Variants in NGEF observed in about 807,000 individuals in gnomAD.
NGEF encodes the protein ephexin-1.
NGEF carries 31 observed loss-of-function variants against 80.9 expected under a neutral mutation model. The ratio of observed to expected loss-of-function variants is 0.38; its 90% CI spans 0.29 to 0.52. The LOEUF is 0.52. Ranked by LOEUF, NGEF falls within the 20% of genes least tolerant of loss-of-function variation. The pLI is 0.84. For synonymous variants in NGEF, 371 were observed against 370.2 expected (o/e 1.00, Z -0.03); for missense variants, 709 against 926.2 (o/e 0.77, Z 3.04).
At chr2:232,929,310 C>T (rs893859325) in intron 3 of NGEF, among the ~76,000 whole-genome samples, 4 of 152,192 alleles carry the variant, frequency 2.6e-5, no homozygotes, top group Non-Finnish European at 4.4e-5. Flanking sequence ...TTTAATGGAT[C>T]CTTAACCAGT....
chr2:232,880,091 G>T (rs1358688178), intron 14 of NGEF, among the ~76,000 whole-genome samples: 3 of 152,196 alleles, frequency 2.0e-5, no homozygotes, highest in Non-Finnish European at 2.9e-5. Flanking sequence ...GGGGCTGGTG[G>T]GGGTGGCAGC....
intron 3 of NGEF, among the ~76,000 whole-genome samples, chr2:232,955,247 C>T (rs1243311404): frequency 6.6e-6 from 1 of 152,198 alleles, no homozygotes; most frequent in African/African-American, 2.4e-5. Context: ...AGCTGCCGAC[C>T]TGACATCCCA....
At chr2:232,950,073 A>T (rs747394908) in intron 3 of NGEF, among the ~76,000 whole-genome samples, 4 of 152,214 alleles carry the variant, frequency 2.6e-5, no homozygotes, top group Non-Finnish European at 1.5e-5. Context: ...CGGCCTCCCA[A>T]AGTGCTGGGA....
At chr2:233,001,090 T>A (rs1204504968) in intron 1 of NGEF, among the ~76,000 whole-genome samples, 1 of 152,064 alleles carries the variant, frequency 6.6e-6, no homozygotes, top group Non-Finnish European at 1.5e-5. Context: ...CTTCCCCCCA[T>A]CCCACTGGCC....
chr2:232,882,388 G>T, intron 12 of NGEF, 123 bp from the exon 13 acceptor site: 1 of 874,210 alleles, frequency 1.1e-6, no homozygotes, highest in African/African-American at 1.6e-5. Flanking sequence ...CACCGCTCAA[G>T]CCCACCCCAG....
chr2:232,893,088 G>A, intron 6 of NGEF, 38 bp from the exon 7 acceptor site: 2 of 1,591,122 alleles, frequency 1.3e-6, no homozygotes, highest in Non-Finnish European at 1.7e-6. Flanking sequence ...GGGTGCCCGG[G>A]GGGTAGGGTG....
chr2:232,965,682 C>T (rs143051173), intron 3 of NGEF, among the ~76,000 whole-genome samples: 35 of 152,250 alleles, frequency 2.3e-4, no homozygotes, highest in African/African-American at 7.9e-4. Flanking sequence ...GACAGCTCAT[C>T]GGAGGCTTTT....
Position 232,920,050 on chromosome 2 carries a change from C to T in NGEF, c.828+234G>A, listed in dbSNP as rs116647744. Among the ~76,000 whole-genome samples the T allele has an allele frequency of 2.3e-3, 356 of 152,346 alleles. 1 individual carries two copies. The highest frequency in any genetic ancestry group is 2.8e-3 in the Non-Finnish European group (193 of 68,036). The stretch of plus-strand genomic sequence containing the variant: ...GCGATCCTACTATCTCATCAGACAG[C>T]AATGCTTCAGACGCTCAATGTTGGG... On this transcript the variant is annotated intron_variant, in intron 5 of 14. Transcript: ENST00000264051.
At chr2:232,905,245 G>A (rs1037159689) in intron 5 of NGEF, among the ~76,000 whole-genome samples, 3 of 152,222 alleles carry the variant, frequency 2.0e-5, no homozygotes, top group East Asian at 1.9e-4. Flanking sequence ...GCGATTGCAG[G>A]CGCGCGCCGC....
At chr2:232,909,431 T>C (rs1273620237) in intron 5 of NGEF, among the ~76,000 whole-genome samples, 1 of 49,864 alleles carries the variant, frequency 2.0e-5, no homozygotes, top group African/African-American at 7.8e-5. Flanking sequence ...TTATGTTTTA[T>C]GTAATTTTTT....
intron 1 of NGEF, among the ~76,000 whole-genome samples, chr2:233,011,301 G>A (rs900750123): frequency 1.3e-5 from 2 of 152,126 alleles, no homozygotes; most frequent in Admixed American, 1.3e-4. Flanking sequence ...GTGCTGGGGG[G>A]TGACTTCAGA....
intron 5 of NGEF, among the ~76,000 whole-genome samples, chr2:232,905,253 C>T (rs1255505340): frequency 2.0e-5 from 3 of 152,224 alleles, no homozygotes; most frequent in Non-Finnish European, 2.9e-5. Context: ...AGGCGCGCGC[C>T]GCCACGCCTG....
At chr2:232,911,825 T>A (rs147655039) in intron 5 of NGEF, among the ~76,000 whole-genome samples, 1 of 152,352 alleles carries the variant, frequency 6.6e-6, no homozygotes, top group Non-Finnish European at 1.5e-5. Context: ...TATAGTGATA[T>A]GACTGATATT....
At chr2:232,990,331 A>C (rs1694625687) in intron 1 of NGEF, among the ~76,000 whole-genome samples, 1 of 152,164 alleles carries the variant, frequency 6.6e-6, no homozygotes, top group Admixed American at 6.5e-5. Flanking sequence ...AAATACAAAC[A>C]ACCTATATAA....
chr2:232,960,588 T>C (rs1431745892), intron 3 of NGEF, among the ~76,000 whole-genome samples: 2 of 152,126 alleles, frequency 1.3e-5, no homozygotes, highest in Non-Finnish European at 2.9e-5. Flanking sequence ...CCAAACTGTA[T>C]TGAGTCTAGG....
intron 7 of NGEF, among the ~76,000 whole-genome samples, 194 bp from the exon 8 acceptor site, chr2:232,891,681 C>T (rs907244393): frequency 6.6e-6 from 1 of 152,220 alleles, no homozygotes; most frequent in Non-Finnish European, 1.5e-5. Flanking sequence ...AGTGGCTTCA[C>T]ATGCCTGGCC....
chr2:232,905,974 G>C (rs1692509802), intron 5 of NGEF: 1 of 139,510 alleles, frequency 7.2e-6, no homozygotes, highest in Non-Finnish European at 1.5e-5. Context: ...CTACTGGGAA[G>C]TGAGGAGCCC....
intron 13 of NGEF, 113 bp from the exon 14 acceptor site, chr2:232,881,363 G>T: frequency 1.3e-6 from 1 of 750,458 alleles, no homozygotes; most frequent in South Asian, 1.6e-5. Flanking sequence ...ACAGCAACTG[G>T]AGAAGGGCTC....
intron 2 of NGEF, 98 bp from the exon 3 acceptor site, chr2:232,970,426 A>T: frequency 1.3e-6 from 1 of 761,030 alleles, no homozygotes; most frequent in Non-Finnish European, 2.2e-6. Flanking sequence ...GTCATGCTGG[A>T]AGGTGGAGGA....
Sources: allele counts gnomAD v4.1 joint callset (sites outside exome capture counted in the v4.1 genomes callset), GRCh38; gene constraint gnomAD v4.1.1; transcripts MANE v1.5; gene names NCBI Gene and HGNC (gene_info 2026-07-23, HGNC 2026-07-21).